Variants in THEMIS observed in about 807,000 individuals in gnomAD.
The protein encoded by THEMIS is thymocyte selection associated, also known as protein THEMIS.
In THEMIS, 37 loss-of-function variants were observed where a neutral mutation model predicts 52.6. The ratio of observed to expected loss-of-function variants is 0.70; its 90% confidence interval spans 0.54 to 0.93. The LOEUF (loss-of-function observed/expected upper bound fraction) is 0.93, where lower values mean the gene tolerates loss of function less well. THEMIS is among the 40% of genes least tolerant of loss of function. The pLI is 0.00. For synonymous variants in THEMIS, 292 were observed against 272.7 expected, an observed-to-expected ratio of 1.07 and a Z score of -0.70; for missense variants, 808 against 763.1, an observed-to-expected ratio of 1.06 and a Z score of -0.69.
intron 4 of THEMIS, among the ~76,000 whole-genome samples, chr6:127,727,209 T>C (rs1427896770): frequency 6.6e-6 from 1 of 152,214 alleles, no homozygotes; most frequent in East Asian, 1.9e-4. Flanking sequence ...AGTAATTAAT[T>C]TGCATGATTA....
At chr6:127,803,259 C>T (rs1371380741) in intron 4 of THEMIS, among the ~76,000 whole-genome samples, 1 of 152,148 alleles carries the variant, frequency 6.6e-6, no homozygotes, top group Non-Finnish European at 1.5e-5. Context: ...GATTTTAATA[C>T]ATTTATAGAT....
chr6:127,784,844 T>A (rs1011219492), intron 4 of THEMIS, among the ~76,000 whole-genome samples: 1 of 152,126 alleles, frequency 6.6e-6, no homozygotes, highest in African/African-American at 2.4e-5. Context: ...TTAGGCCTGT[T>A]TGAGAGGAGA....
At chr6:127,817,207 G>C (rs1457357030) in intron 3 of THEMIS, among the ~76,000 whole-genome samples, 1 of 152,098 alleles carries the variant, frequency 6.6e-6, no homozygotes, top group Admixed American at 6.6e-5. Context: ...AATGTCTAGA[G>C]TGGCACCTGG....
chr6:127,732,870 T>C (rs1330404362), intron 4 of THEMIS, among the ~76,000 whole-genome samples: 2 of 152,234 alleles, frequency 1.3e-5, no homozygotes, highest in African/African-American at 4.8e-5. Context: ...AATACGTTGC[T>C]GTAGACATGT....
rs747922420 is a variant in THEMIS, at chr6:127,813,891, G to A, written c.750C>T (p.Val250=). The change falls in exon 4 of 6, where the codon GTC becomes GTT. Residue 250 remains valine (V), a synonymous_variant. Coordinates refer to ENST00000368248, the MANE Select transcript of THEMIS (RefSeq NM_001010923.3). ...DIIRILPSLD[V]EVKDITDSYD... ...AAGAATCAGTGATGTCTTTGACTTC[G>A]ACATCTAGACTGGGGAGGATGCGGA... is the stretch of plus-strand genomic sequence containing the variant. 5.6e-6 allele frequency: 9 copies of A among 1,597,530 alleles called. No homozygotes were observed. Among genetic ancestry groups the A allele is most frequent in the African/African-American group, 4.1e-5 (3 of 73,860 alleles).
Position 127,801,938 on chromosome 6 carries a change from A to G in THEMIS, c.1758+10945T>C, listed in dbSNP as rs994745061. ...ATCTGGAGAACAGGCATGGGAATGG[A>G]TATTAAGGGTGTGGGATAATGGTGG... is the stretch of plus-strand genomic sequence containing the variant. On this transcript the variant is annotated intron_variant, in intron 4 of 5. Coordinates refer to ENST00000368248, the MANE Select transcript of THEMIS (RefSeq NM_001010923.3). Among the ~76,000 whole-genome samples, 5 of 152,294 alleles carry G rather than the reference A, an allele frequency of 3.3e-5. No individual in the cohort carries two copies. In the East Asian group the frequency reaches 9.6e-4, roughly 29 times the overall value.
chr6:127,722,419 T>C (rs1774392947), intron 4 of THEMIS, among the ~76,000 whole-genome samples: 3 of 151,960 alleles, frequency 2.0e-5, no homozygotes, highest in African/African-American at 7.2e-5. Flanking sequence ...TCATTCTTAA[T>C]TGCCCAACTG....
chr6:127,716,438 C>T (rs1774163741), intron 5 of THEMIS, among the ~76,000 whole-genome samples: 1 of 151,842 alleles, frequency 6.6e-6, no homozygotes, highest in African/African-American at 2.4e-5. Context: ...AACCATAGAC[C>T]CTTCTCAGGG....
chr6:127,871,499 TAAAG>T (rs1302455194), intron 1 of THEMIS, among the ~76,000 whole-genome samples: 2 of 151,262 alleles, frequency 1.3e-5, no homozygotes, highest in African/African-American at 4.9e-5. Context: ...CAGAAAAAAA[TAAAG>T]AAAATCAATG....
chr6:127,872,007 C>A (rs537067097), intron 1 of THEMIS, among the ~76,000 whole-genome samples: 4 of 151,944 alleles, frequency 2.6e-5, no homozygotes, highest in Non-Finnish European at 5.9e-5. Context: ...AAAAAATAAA[C>A]AAATAAATAA....
chr6:127,798,990 TC>T (rs1777430317), intron 4 of THEMIS, among the ~76,000 whole-genome samples: 1 of 79,182 alleles, frequency 1.3e-5, no homozygotes, highest in African/African-American at 5.8e-5. Context: ...AGACTCCGTC[TC>T]AAAAAAAAAA....
intron 1 of THEMIS, among the ~76,000 whole-genome samples, chr6:127,910,973 T>C (rs796093577): frequency 2.6e-5 from 4 of 152,288 alleles, no homozygotes; most frequent in African/African-American, 9.6e-5. Context: ...ATTTGAGGGA[T>C]ACTGGTTAGG....
chr6:127,726,146 T>C (rs1451825062), intron 4 of THEMIS, among the ~76,000 whole-genome samples: 1 of 152,112 alleles, frequency 6.6e-6, no homozygotes, highest in Non-Finnish European at 1.5e-5. Flanking sequence ...GGCCCAATAG[T>C]GGTTAACAAG....
chr6:127,849,820 G>C (rs990080135), intron 2 of THEMIS, among the ~76,000 whole-genome samples: 36 of 152,028 alleles, frequency 2.4e-4, no homozygotes, highest in African/African-American at 8.7e-4. Flanking sequence ...AATTATTCTG[G>C]AAATGAGCTT....
rs184207022 is a variant in THEMIS at position 127,886,171 on chromosome 6, G to T, written c.91+14671C>A. Among the ~76,000 whole-genome samples the T allele has an allele frequency of 3.1e-4, 47 of 152,098 alleles. No homozygotes were observed. In the East Asian group the frequency reaches 5.8e-3, roughly 19 times the overall value. On this transcript the variant is annotated intron_variant, in intron 1 of 5. Coordinates refer to ENST00000368248, the MANE Select transcript of THEMIS (RefSeq NM_001010923.3). ...CACCATTCACCCAGACATTTCTTTG[G>T]TTAACTCCCTCACTTCTCCCAAGTA...
chr6:127,828,198 G>C (rs1453222634), intron 3 of THEMIS, among the ~76,000 whole-genome samples: 1 of 152,108 alleles, frequency 6.6e-6, no homozygotes, highest in African/African-American at 2.4e-5. Flanking sequence ...ACCCTCATTT[G>C]TAACTATGCG....
At chr6:127,800,221 G>A (rs6935256) in intron 4 of THEMIS, among the ~76,000 whole-genome samples, 23,108 of 151,954 alleles carry the variant, frequency 0.15, 1,963 homozygotes, top group African/African-American at 0.22. Flanking sequence ...ATTCATTGTT[G>A]GCACTCAGCT....
chr6:127,761,661 A>G (rs1005128016), intron 4 of THEMIS, among the ~76,000 whole-genome samples: 1 of 152,158 alleles, frequency 6.6e-6, no homozygotes, highest in African/African-American at 2.4e-5. Context: ...ACTAATGCAC[A>G]TACTACTCTC....
At chr6:127,900,750 A>G in intron 1 of THEMIS, 92 bp downstream of exon 1, 1 of 1,060,534 alleles carries the variant, frequency 9.4e-7, no homozygotes. Context: ...CAGAACTCAC[A>G]TATTTGCTGT....
Sources: allele counts gnomAD v4.1 joint callset (sites outside exome capture counted in the v4.1 genomes callset), GRCh38; gene constraint gnomAD v4.1.1; transcripts MANE v1.5; gene names NCBI Gene and HGNC (gene_info 2026-07-23, HGNC 2026-07-21).